PRKCQ: variants seen among roughly 807,000 people sequenced by gnomAD.
PRKCQ encodes protein kinase C theta, also known as protein kinase C theta type.
In PRKCQ, 41 loss-of-function variants were observed where a neutral mutation model predicts 91.2. That is an observed-to-expected ratio of 0.45 (90% CI 0.35 to 0.58). The LOEUF is 0.58. Ranked by LOEUF, PRKCQ falls within the 20% of genes least tolerant of loss-of-function variation. The pLI is 0.00. For synonymous variants in PRKCQ, 307 were observed against 316.9 expected (o/e 0.97, Z 0.33); for missense variants, 673 against 896.5 (o/e 0.75, Z 3.18).
intron 1 of PRKCQ, among the ~76,000 whole-genome samples, chr10:6,521,192 C>T (rs1302204826): frequency 1.3e-5 from 2 of 152,152 alleles, no homozygotes; most frequent in East Asian, 1.9e-4. Flanking sequence ...CATCTATGTG[C>T]CTCCAGAGCT....
chr10:6,503,841 A>AT (rs752185012), intron 4 of PRKCQ, among the ~76,000 whole-genome samples: 1 of 152,220 alleles, frequency 6.6e-6, no homozygotes, highest in Non-Finnish European at 1.5e-5. Context: ...CAGTGGCACT[A>AT]TCTTGGCTCA....
intron 16 of PRKCQ, among the ~76,000 whole-genome samples, chr10:6,440,749 G>A (rs1002402057): frequency 3.9e-5 from 6 of 152,184 alleles, no homozygotes; most frequent in Non-Finnish European, 7.3e-5. Context: ...AGCACTTTGG[G>A]AGGCCGAGGC....
intron 16 of PRKCQ, among the ~76,000 whole-genome samples, chr10:6,432,618 C>T (rs1332707093): frequency 1.3e-5 from 2 of 152,144 alleles, no homozygotes; most frequent in Admixed American, 6.5e-5. Flanking sequence ...CTACCCACGT[C>T]GCCTTGGATA....
intron 12 of PRKCQ, among the ~76,000 whole-genome samples, chr10:6,476,805 C>A (rs1836291355): frequency 6.6e-6 from 1 of 152,196 alleles, no homozygotes; most frequent in East Asian, 1.9e-4. Flanking sequence ...GGAGCCCCAG[C>A]ATGTGCAGAA....
intron 8 of PRKCQ, among the ~76,000 whole-genome samples, chr10:6,486,432 C>A (rs576576201): frequency 6.6e-6 from 1 of 152,092 alleles, no homozygotes; most frequent in Non-Finnish European, 1.5e-5. Flanking sequence ...TGCCCACCTG[C>A]GTGCCATGTC....
the PRKCQ span, among the ~76,000 whole-genome samples, chr10:6,399,152 G>A: frequency 2.6e-5 from 4 of 152,188 alleles, no homozygotes; most frequent in African/African-American, 9.6e-5. Context: ...GATATGAAAA[G>A]GCAGCCTAGA....
intron 1 of PRKCQ, among the ~76,000 whole-genome samples, chr10:6,570,662 C>A (rs1325896440): frequency 6.6e-6 from 1 of 151,522 alleles, no homozygotes; most frequent in Non-Finnish European, 1.5e-5. Flanking sequence ...TCAAGCGATT[C>A]TCCTGCCTCA....
chr10:6,452,916 A>G (rs1010994743), intron 15 of PRKCQ, among the ~76,000 whole-genome samples: 3 of 144,562 alleles, frequency 2.1e-5, no homozygotes, highest in African/African-American at 7.8e-5. Context: ...TTATACAAAA[A>G]TTAATTCAAG....
intron 3 of PRKCQ, 120 bp downstream of exon 3, chr10:6,510,875 G>T (rs1838435716): frequency 9.4e-7 from 1 of 1,065,644 alleles, no homozygotes; most frequent in Non-Finnish European, 1.4e-6. Flanking sequence ...GGAAGTGGTA[G>T]GGAGCCTGGT....
intron 9 of PRKCQ, 88 bp downstream of exon 9, chr10:6,485,946 TA>T (rs1836891773): frequency 4.3e-6 from 5 of 1,176,096 alleles, no homozygotes; most frequent in Admixed American, 1.8e-5. Flanking sequence ...GCATTTCCCA[TA>T]GGGCTGCCAC....
At chr10:6,457,679 CAG>C (rs751780307) in intron 14 of PRKCQ, among the ~76,000 whole-genome samples, 5 of 152,140 alleles carry the variant, frequency 3.3e-5, no homozygotes, top group African/African-American at 4.8e-5. Context: ...CAGAATCCTC[CAG>C]AGAGACAATC....
At chr10:6,404,877 C>T in the PRKCQ span, among the ~76,000 whole-genome samples, 7 of 140,258 alleles carry the variant, frequency 5.0e-5, no homozygotes, top group Admixed American at 4.3e-4. Flanking sequence ...TCCTTTCTTT[C>T]CTTTTTTCTT....
At chr10:6,481,178 C>T (rs573772403) in intron 11 of PRKCQ, among the ~76,000 whole-genome samples, 1 of 152,202 alleles carries the variant, frequency 6.6e-6, no homozygotes, top group Non-Finnish European at 1.5e-5. Context: ...AAACCTGGGG[C>T]TCCCAGCTGC....
rs541820435 is a variant in PRKCQ, at chr10:6,545,280, C to T, written c.-9-30136G>A. 7.0e-4 allele frequency among the ~76,000 whole-genome samples: 107 copies of T among 152,306 alleles called. 1 individual carries two copies. The highest frequency in any genetic ancestry group is 2.4e-3 in the African/African-American group (99 of 41,560). On this transcript the variant is annotated intron_variant, in intron 1 of 17. Coordinates refer to ENST00000263125, the MANE Select transcript of PRKCQ (RefSeq NM_006257.5). Reference sequence around the variant, plus strand: ...TCATGGCTCAAAGCACTGCACTGGGCGCTGTCTGTTGCTTTACCTGATTTT... The same window carrying T: ...TCATGGCTCAAAGCACTGCACTGGGTGCTGTCTGTTGCTTTACCTGATTTT...
At chr10:6,455,985 G>A (rs1834980242) in intron 15 of PRKCQ, among the ~76,000 whole-genome samples, 1 of 152,172 alleles carries the variant, frequency 6.6e-6, no homozygotes, top group Non-Finnish European at 1.5e-5. Flanking sequence ...CTGTGCCATG[G>A]GAAAGACCAA....
chr10:6,395,056 CTTTTTTTT>C, the PRKCQ span, among the ~76,000 whole-genome samples: 1 of 66,994 alleles, frequency 1.5e-5, no homozygotes, highest in African/African-American at 6.1e-5. Flanking sequence ...AAGCTGGAGT[CTTTTTTTT>C]TTTTTTTTTT....
intron 1 of PRKCQ, among the ~76,000 whole-genome samples, chr10:6,566,525 G>A (rs1031970664): frequency 1.3e-5 from 2 of 152,080 alleles, no homozygotes; most frequent in Non-Finnish European, 2.9e-5. Context: ...TTTTCAGTCC[G>A]ACTTCACTGT....
intron 1 of PRKCQ, among the ~76,000 whole-genome samples, chr10:6,546,572 CA>C (rs2130926017): frequency 6.6e-6 from 1 of 152,258 alleles, no homozygotes; most frequent in Admixed American, 6.5e-5. Flanking sequence ...GATTTTTGTA[CA>C]TTGATTTCGT....
intron 1 of PRKCQ, among the ~76,000 whole-genome samples, chr10:6,524,951 T>C (rs1318352563): frequency 5.9e-5 from 9 of 152,134 alleles, no homozygotes; most frequent in Non-Finnish European, 1.2e-4. Flanking sequence ...AGAAATACTG[T>C]TTAAAAAGGG....
Sources: gnomAD v4.1 joint callset for allele counts (sites outside exome capture counted in the v4.1 genomes callset) on GRCh38, gnomAD v4.1.1 for gene constraint, MANE v1.5 for transcripts, NCBI Gene and HGNC (gene_info 2026-07-23, HGNC 2026-07-21) for gene names.